Variants in NREP observed in about 807,000 individuals in gnomAD.
NREP encodes the protein neuronal regeneration related protein.
Under a neutral mutation model 8.6 loss-of-function variants are expected in NREP, and 5 were observed. The observed-to-expected ratio is 0.58, with a 90% confidence interval of 0.30 to 1.22. NREP has a LOEUF of 1.22. Ranked by LOEUF, NREP falls within the 50% of genes most tolerant of loss-of-function variation. The pLI is 0.07. For synonymous variants in NREP, 27 were observed against 28.0 expected (o/e 0.96, Z 0.11); for missense variants, 86 against 82.5 (o/e 1.04, Z -0.17).
At chr5:111,862,262 A>G (rs1469637537) in intron 2 of NREP, among the ~76,000 whole-genome samples, 6 of 152,190 alleles carry the variant, frequency 3.9e-5, no homozygotes, top group African/African-American at 9.6e-5. Flanking sequence ...CATTTCTCCA[A>G]TAGTAGGTAG....
At chr5:111,967,465 T>C (rs992857653) in intron 2 of NREP, among the ~76,000 whole-genome samples, 3 of 152,222 alleles carry the variant, frequency 2.0e-5, no homozygotes, top group African/African-American at 7.2e-5. Flanking sequence ...GTGGCTTCCA[T>C]TTTGTCTACC....
intron 2 of NREP, among the ~76,000 whole-genome samples, chr5:111,907,815 T>G (rs763303905): frequency 2.4e-4 from 36 of 152,050 alleles, no homozygotes; most frequent in Non-Finnish European, 4.7e-4. Context: ...GTCTGTCCCA[T>G]GGTGGATGAA....
intron 2 of NREP, among the ~76,000 whole-genome samples, chr5:111,930,351 C>A (rs536408998): frequency 6.6e-6 from 1 of 152,278 alleles, no homozygotes; most frequent in African/African-American, 2.4e-5. Context: ...AGTCCCCCAC[C>A]CTCAAAGATA....
intron 2 of NREP, among the ~76,000 whole-genome samples, chr5:111,958,729 T>C (rs1756397588): frequency 6.6e-6 from 1 of 151,982 alleles, no homozygotes; most frequent in African/African-American, 2.4e-5. Context: ...AAATAATTTA[T>C]GATTTTATGC....
chr5:111,839,728 AT>A (rs1752978954), intron 2 of NREP, among the ~76,000 whole-genome samples: 1 of 151,846 alleles, frequency 6.6e-6, no homozygotes, highest in Non-Finnish European at 1.5e-5. Flanking sequence ...AGTTGTTATA[AT>A]AATATAAAGT....
chr5:111,748,488 G>A (rs149638611), intron 2 of NREP, among the ~76,000 whole-genome samples: 8 of 152,188 alleles, frequency 5.3e-5, no homozygotes, highest in Non-Finnish European at 7.4e-5. Flanking sequence ...CATTTATTCC[G>A]CAGACAGTTG....
chr5:111,798,856 T>C (rs1430883004), intron 2 of NREP, among the ~76,000 whole-genome samples: 1 of 152,120 alleles, frequency 6.6e-6, no homozygotes, highest in Non-Finnish European at 1.5e-5. Flanking sequence ...TTCCATATTT[T>C]GCAAATGCAA....
intron 2 of NREP, among the ~76,000 whole-genome samples, chr5:111,857,526 G>A (rs2112476827): frequency 6.6e-6 from 1 of 152,278 alleles, no homozygotes; most frequent in South Asian, 2.1e-4. Context: ...CTTCCTGAGG[G>A]TGTGGATCAT....
intron 2 of NREP, among the ~76,000 whole-genome samples, chr5:111,762,858 C>A (rs775951292): frequency 6.6e-6 from 1 of 152,142 alleles, no homozygotes; most frequent in Non-Finnish European, 1.5e-5. Flanking sequence ...GTAGTATTTG[C>A]ATTTGTTATG....
At position 111,884,329 on chromosome 5, in the gene NREP, T is replaced by G. The variant is rs868345892; in HGVS notation, c.135+90945A>C. Among the ~76,000 whole-genome samples the G allele has an allele frequency of 1.0e-3, 158 of 151,888 alleles. 2 individuals are homozygous for G. Among genetic ancestry groups the G allele is most frequent in the African/African-American group, 3.0e-3 (124 of 41,352 alleles). ...ACAGGAGCTGAAATTGTGGCAATAA[T>G]CAATAGTTTACCAACCAAAAAGAGT... On this transcript the variant is annotated intron_variant, in intron 2 of 3. Coordinates refer to the NREP transcript ENST00000395634.
chr5:111,876,441 T>G (rs115830897), intron 2 of NREP, among the ~76,000 whole-genome samples: 1 of 152,126 alleles, frequency 6.6e-6, no homozygotes, highest in Non-Finnish European at 1.5e-5. Flanking sequence ...TGGGTACCAA[T>G]TGATCAACTT....
At chr5:111,735,409 T>A (rs3797722) in intron 3 of NREP, 21 bp downstream of exon 3, 363,458 of 1,526,582 alleles carry the variant, frequency 0.24, 48,989 homozygotes, top group African/African-American at 0.55. Context: ...GTGTTAACAA[T>A]ATGGCATCTA....
intron 2 of NREP, among the ~76,000 whole-genome samples, chr5:111,891,121 A>G (rs1754384443): frequency 6.6e-6 from 1 of 152,176 alleles, no homozygotes; most frequent in South Asian, 2.1e-4. Context: ...AGCACAGGCT[A>G]TTAGATGCAG....
intron 1 of NREP, chr5:111,975,434 A>G (rs2112679456): frequency 8.4e-7 from 1 of 1,190,384 alleles, no homozygotes; most frequent in East Asian, 2.6e-5. Flanking sequence ...GAGTGCCACA[A>G]CTCACAGCTC....
intron 2 of NREP, among the ~76,000 whole-genome samples, chr5:111,871,183 T>C (rs1247961545): frequency 6.6e-6 from 1 of 151,816 alleles, no homozygotes; most frequent in Non-Finnish European, 1.5e-5. Context: ...ATACACATAG[T>C]ATATAGCCCA....
chr5:111,883,216 A>G (rs1332484385), intron 2 of NREP, among the ~76,000 whole-genome samples: 5 of 150,686 alleles, frequency 3.3e-5, no homozygotes, highest in Non-Finnish European at 7.5e-5. Flanking sequence ...AGCAAAGATC[A>G]AAAGAGACAA....
At chr5:111,902,034 G>A (rs1754658891) in intron 2 of NREP, among the ~76,000 whole-genome samples, 1 of 152,016 alleles carries the variant, frequency 6.6e-6, no homozygotes, top group Non-Finnish European at 1.5e-5. Flanking sequence ...GCACCACACT[G>A]TTAGACTTCA....
intron 2 of NREP, among the ~76,000 whole-genome samples, chr5:111,810,218 G>A (rs1362820602): frequency 6.6e-6 from 1 of 152,136 alleles, no homozygotes; most frequent in African/African-American, 2.4e-5. Context: ...GAGCCCATGA[G>A]GCAACGGAAA....
At chr5:111,954,214 G>T (rs586262) in intron 2 of NREP, among the ~76,000 whole-genome samples, 1 of 151,878 alleles carries the variant, frequency 6.6e-6, no homozygotes. Flanking sequence ...TAGAAGAACT[G>T]TCAGGTGAAA....
Sources: gnomAD v4.1 joint callset for allele counts (sites outside exome capture counted in the v4.1 genomes callset) on GRCh38, gnomAD v4.1.1 for gene constraint, MANE v1.5 for transcripts, NCBI Gene and HGNC (gene_info 2026-07-23, HGNC 2026-07-21) for gene names.